Variants in GALNT16 observed in about 807,000 individuals in gnomAD.
The protein encoded by GALNT16 is UDP-GalNAc:polypeptide N-acetylgalactosaminyltransferase-like protein 1.
GALNT16 carries 40 observed loss-of-function variants against 76.1 expected under a neutral mutation model. The ratio of observed to expected loss-of-function variants is 0.53; its 90% CI spans 0.41 to 0.68. The LOEUF (loss-of-function observed/expected upper bound fraction) is 0.68, where lower values mean the gene tolerates loss of function less well. GALNT16 is among the 30% of genes least tolerant of loss of function. The pLI is 0.00. For missense variants in GALNT16, 621 were observed against 731.9 expected, an observed-to-expected ratio of 0.85 and a Z score of 1.75; for synonymous variants, 276 against 285.2, an observed-to-expected ratio of 0.97 and a Z score of 0.32.
downstream of GALNT16, chr14:69,359,369 A>G (rs2045710511): frequency 6.6e-6 from 1 of 152,254 alleles, no homozygotes; most frequent in Non-Finnish European, 1.5e-5. Flanking sequence ...GCATTTAGGA[A>G]TTAGTACACT....
At chr14:69,351,998 C>G (rs374291529) in intron 14 of GALNT16, 33 bp from the exon 15 acceptor site, 3 of 1,569,810 alleles carry the variant, frequency 1.9e-6, no homozygotes, top group Non-Finnish European at 2.6e-6. Context: ...TTGTTTTCTC[C>G]TTCCTCTTCT....
At chr14:69,295,476 T>C (rs1279496231) in intron 1 of GALNT16, among the ~76,000 whole-genome samples, 1 of 151,360 alleles carries the variant, frequency 6.6e-6, no homozygotes, top group Non-Finnish European at 1.5e-5. Context: ...TCCTAGCATT[T>C]TGGGAGGCCG....
chr14:69,322,737 A>C (rs1231682025), intron 2 of GALNT16, among the ~76,000 whole-genome samples: 1 of 152,044 alleles, frequency 6.6e-6, no homozygotes, highest in African/African-American at 2.4e-5. Context: ...ACTAAAATAC[A>C]AAAATTAGCT....
chr14:69,347,090 G>A lies in GALNT16; in HGVS notation c.1322G>A (p.Cys441Tyr). The change falls in exon 13 of 15, where the codon TGC becomes TAC. Residue 441 changes from cysteine to tyrosine, a missense_variant. Cys to Tyr is a radical substitution (Grantham distance 194, BLOSUM62 -2). Transcript: ENST00000448469. Reference sequence around the variant, plus strand: ...GGCATCATTAAGCAGGGGGTGAACTGCTTAGAATCTCAGGGCCAGAACACA... The same window carrying A: ...GGCATCATTAAGCAGGGGGTGAACTACTTAGAATCTCAGGGCCAGAACACA... ...LPGIIKQGVNCLESQGQNTAG... is the reference protein window; with the variant it reads ...LPGIIKQGVNYLESQGQNTAG... 6.2e-7 allele frequency: 1 copy of A among 1,614,028 alleles called. No individual in the cohort carries two copies. Among genetic ancestry groups the A allele is most frequent in the Non-Finnish European group, 8.5e-7 (1 of 1,179,938 alleles).
At chr14:69,351,868 C>A (rs1232768839) in intron 14 of GALNT16, 163 bp from the exon 15 acceptor site, 1 of 624,774 alleles carries the variant, frequency 1.6e-6, no homozygotes. Flanking sequence ...GCTGTGGTAG[C>A]ACCACTGTAA....
chr14:69,295,819 G>A (rs2044752861), intron 1 of GALNT16, among the ~76,000 whole-genome samples: 1 of 151,998 alleles, frequency 6.6e-6, no homozygotes, highest in South Asian at 2.1e-4. Flanking sequence ...TTTCTCATAG[G>A]TAATATATTA....
At position 69,286,877 on chromosome 14, in the gene GALNT16, C is replaced by T. The variant is rs142784068; in HGVS notation, c.177+26410C>T. The stretch of plus-strand genomic sequence containing the variant: ...TTTGAAAAATTTTATAATAAAATGT[C>T]GATGTTTTAATAAAAAAAAGAAAGG... On this transcript the variant is annotated intron_variant, in intron 1 of 14. Transcript: ENST00000448469. Among the ~76,000 whole-genome samples, 554 of 152,160 alleles carry T rather than the reference C, an allele frequency of 3.6e-3. 2 individuals are homozygous for T. Among genetic ancestry groups the T allele is most frequent in the African/African-American group, 0.013 (535 of 41,502 alleles).
At chr14:69,349,864 C>T (rs189494699) in intron 14 of GALNT16, 3 of 152,288 alleles carry the variant, frequency 2.0e-5, no homozygotes, top group South Asian at 2.1e-4. Context: ...GTGAGAATCC[C>T]GCTGTTTGGG....
At chr14:69,304,804 C>T (rs1348906814) in intron 1 of GALNT16, among the ~76,000 whole-genome samples, 1 of 152,164 alleles carries the variant, frequency 6.6e-6, no homozygotes, top group Non-Finnish European at 1.5e-5. Flanking sequence ...GCAGGATTTC[C>T]TTCTTTCTCA....
In GALNT16 at chr14:69,326,017, T is replaced by C. The variant is rs773503788; in HGVS notation, c.558T>C (p.Asp186=). ...CCAAGGTCAAGTGCCTGCGCAATGA[T>C]CGGCGGGAAGGTGAGTCCTTGCACC... ...RIPKVKCLRN[D]RREGLIRSRV... Residue 186 remains aspartate, a synonymous_variant, in exon 5 of 15, where the codon GAT becomes GAC. Transcript: ENST00000448469. 7 of 1,613,698 alleles carry C rather than the reference T, an allele frequency of 4.3e-6. No homozygotes were observed. In the African/African-American group the frequency reaches 6.7e-5, roughly 15 times the overall value.
chr14:69,317,235 G>A (rs1339508605), intron 1 of GALNT16, among the ~76,000 whole-genome samples: 2 of 152,172 alleles, frequency 1.3e-5, no homozygotes, highest in Non-Finnish European at 2.9e-5. Flanking sequence ...TACACTTAGT[G>A]AGCAACATGG....
At chr14:69,325,857 C>T in intron 4 of GALNT16, 105 bp from the exon 5 acceptor site, 1 of 869,284 alleles carries the variant, frequency 1.2e-6, no homozygotes, top group Non-Finnish European at 1.9e-6. Flanking sequence ...TCCCCATCCC[C>T]AACCCTTTCC....
chr14:69,308,423 G>T (rs2044969995), intron 1 of GALNT16, among the ~76,000 whole-genome samples: 1 of 152,132 alleles, frequency 6.6e-6, no homozygotes. Flanking sequence ...GTATACCTAT[G>T]CATTTACACA....
At chr14:69,274,728 G>C (rs541340386) in intron 1 of GALNT16, among the ~76,000 whole-genome samples, 2 of 152,354 alleles carry the variant, frequency 1.3e-5, no homozygotes, top group Admixed American at 1.3e-4. Context: ...AAGATTTTGA[G>C]AGACTGCTGC....
the GALNT16 span, among the ~76,000 whole-genome samples, chr14:69,369,761 G>A: frequency 1.1e-4 from 17 of 152,182 alleles, no homozygotes; most frequent in Non-Finnish European, 2.4e-4. Context: ...AAGTTAGCAT[G>A]ACAAAATCAG....
chr14:69,344,201 C>T (rs1477682583), intron 12 of GALNT16, among the ~76,000 whole-genome samples: 1 of 152,258 alleles, frequency 6.6e-6, no homozygotes, highest in African/African-American at 2.4e-5. Context: ...TCTGCCCCTT[C>T]TCCAGGTTAG....
chr14:69,286,154 A>G (rs78869393), intron 1 of GALNT16, among the ~76,000 whole-genome samples: 2,252 of 152,290 alleles, frequency 0.015, 62 homozygotes, highest in African/African-American at 0.051. Flanking sequence ...ATAGGGTAGG[A>G]CAACAAAGGG....
rs1021510451 is a variant in GALNT16 at position 69,338,707 on chromosome 14, C to T, written c.1024C>T (p.Arg342Trp). 14 of 1,613,794 alleles carry T rather than the reference C, an allele frequency of 8.7e-6. No homozygotes were observed. The highest frequency in any genetic ancestry group is 5.0e-5 in the Admixed American group (3 of 59,984). The change falls in exon 10 of 15, where the codon CGG (arginine) becomes TGG (tryptophan). Residue 342 changes from arginine to tryptophan, a missense_variant. Arg to Trp is a moderately radical substitution (Grantham distance 101, BLOSUM62 -3). Coordinates refer to ENST00000448469, the MANE Select transcript of GALNT16 (RefSeq NM_001168368.2). ...CAGTCTGGAGATCGTCCCCTGCAGCCGGGTGGGCCATGTCTTCAGGAAACG... is the reference window on the plus strand; with the variant it reads ...CAGTCTGGAGATCGTCCCCTGCAGCTGGGTGGGCCATGTCTTCAGGAAACG... The part of the protein sequence containing the change: ...GGSLEIVPCS[R>W]VGHVFRKRHP...
At position 69,352,479 on chromosome 14, in the gene GALNT16, TG is replaced by T. The variant is rs1182758666; in HGVS notation, c.*314del. ...CCTCTCCCTTGGCGCTTCTTGGGGC[TG>T]GGACAATAGTGTGTGGTCTCTCCCT... On this transcript the variant is annotated 3_prime_UTR_variant, in exon 15 of 15. Transcript: ENST00000448469. The T allele has an allele frequency of 3.4e-5, 10 of 294,542 alleles. No homozygotes were observed. Among genetic ancestry groups the T allele is most frequent in the Non-Finnish European group, 6.3e-5 (10 of 158,122 alleles). 18.2% of individuals were successfully genotyped at this position (294,542 alleles called of 1,614,324 possible).
Sources: gnomAD v4.1 joint callset for allele counts (sites outside exome capture counted in the v4.1 genomes callset) on GRCh38, gnomAD v4.1.1 for gene constraint, MANE v1.5 for transcripts, NCBI Gene and HGNC (gene_info 2026-07-23, HGNC 2026-07-21) for gene names.